GTF3C2: variants seen among roughly 807,000 people sequenced by gnomAD.
The protein encoded by GTF3C2 is general transcription factor IIIC subunit 2.
GTF3C2 carries 17 observed loss-of-function variants against 117.4 expected under a neutral mutation model. The observed-to-expected ratio is 0.14, with a 90% confidence interval of 0.10 to 0.22. The LOEUF (loss-of-function observed/expected upper bound fraction) is 0.22, where lower values mean the gene tolerates loss of function less well. GTF3C2 is among the 10% of genes least tolerant of loss of function. The probability of loss-of-function intolerance (pLI) is 1.00; values close to 1 mark genes in which losing one functional copy is unlikely to be tolerated. For synonymous variants in GTF3C2, 437 were observed against 427.0 expected, an observed-to-expected ratio of 1.02 and a Z score of -0.29; for missense variants, 888 against 1,143.6, an observed-to-expected ratio of 0.78 and a Z score of 3.22.
At position 27,329,207 on chromosome 2, in the gene GTF3C2, G is replaced by A. The variant is rs896537055; in HGVS notation, c.1953C>T (p.Asn651=). ...CTGTACTCAAGAAGCGCTTGATAGA[G>A]TTTATGGGTTCGTAAGGACGTCGAA... Residue 651 remains asparagine, a synonymous_variant, in exon 14 of 19, where the codon AAC becomes AAT. Coordinates refer to ENST00000264720, the Ensembl canonical transcript of GTF3C2. The surrounding 1 kb of genome is among the most constrained non-coding windows in gnomAD (Gnocchi z 4.5). 1 of 1,614,166 alleles carries A rather than the reference G, an allele frequency of 6.2e-7. No individual in the cohort carries two copies. Among genetic ancestry groups the A allele is most frequent in the Non-Finnish European group, 8.5e-7 (1 of 1,179,994 alleles).
intron 4 of GTF3C2, among the ~76,000 whole-genome samples, chr2:27,341,005 G>C (rs1680708473): frequency 6.6e-6 from 1 of 152,026 alleles, no homozygotes; most frequent in Non-Finnish European, 1.5e-5. Context: ...TTGTTGTACA[G>C]TTTGTGTACA....
intron 1 of GTF3C2, among the ~76,000 whole-genome samples, chr2:27,352,696 T>A (rs1044424448): frequency 5.9e-5 from 9 of 152,230 alleles, no homozygotes; most frequent in Non-Finnish European, 1.2e-4. Context: ...AAGTTTAAGA[T>A]ATAAATAAAA....
intron 1 of GTF3C2, chr2:27,356,458 AG>A: frequency 3.9e-6 from 1 of 254,610 alleles, no homozygotes; most frequent in Non-Finnish European, 8.2e-6. Context: ...CTACGTATGC[AG>A]CGCCTACGCC....
intron 12 of GTF3C2, 89 bp downstream of exon 12, chr2:27,333,566 T>C (rs1306865572): frequency 1.2e-6 from 1 of 829,482 alleles, no homozygotes; most frequent in Non-Finnish European, 2.0e-6. Flanking sequence ...ATGTCCAGTA[T>C]TGAACCACCA....
intron 12 of GTF3C2, among the ~76,000 whole-genome samples, chr2:27,332,898 TAG>T (rs1680328966): frequency 6.6e-6 from 1 of 151,528 alleles, no homozygotes; most frequent in South Asian, 2.1e-4. Flanking sequence ...GTATTTTTAG[TAG>T]AGACAGGCTT....
intron 1 of GTF3C2, 112 bp from the exon 2 acceptor site, chr2:27,343,690 G>T: frequency 1.2e-6 from 1 of 838,722 alleles, no homozygotes; most frequent in Non-Finnish European, 1.9e-6. Context: ...CAAGTTCCCT[G>T]ATTATTCACT....
intron 9 of GTF3C2, 48 bp downstream of exon 9, chr2:27,335,869 G>T: frequency 2.3e-6 from 3 of 1,318,564 alleles, no homozygotes; most frequent in African/African-American, 2.9e-5. Flanking sequence ...GGGCCTCTTT[G>T]TCCTGGCTTT....
At chr2:27,349,766 G>A (rs568127889) in intron 1 of GTF3C2, among the ~76,000 whole-genome samples, 4 of 152,040 alleles carry the variant, frequency 2.6e-5, no homozygotes, top group Non-Finnish European at 5.9e-5. Flanking sequence ...AGCCTCCCGA[G>A]TAGCTGGGAT....
intron 4 of GTF3C2, chr2:27,341,399 A>C (rs1017269066): frequency 4.6e-5 from 7 of 152,872 alleles, no homozygotes; most frequent in Non-Finnish European, 1.0e-4. Context: ...TTACCACCAA[A>C]AAAAACCATA....
intron 1 of GTF3C2, among the ~76,000 whole-genome samples, chr2:27,355,619 T>C (rs1207519946): frequency 2.0e-5 from 3 of 152,174 alleles, no homozygotes; most frequent in Non-Finnish European, 2.9e-5. Flanking sequence ...AGTAAATTCG[T>C]ACTGAGTTTC....
chr2:27,328,451 G>A lies in GTF3C2; in HGVS notation c.2256+17C>T. 1 of 1,613,384 alleles carries A rather than the reference G, an allele frequency of 6.2e-7. No individual in the cohort carries two copies. The highest frequency in any genetic ancestry group is 2.2e-5 in the East Asian group (1 of 44,886). ...GGTTAGGATCCAACAGCTGCTGTTA[G>A]ATGTTCGTATACGTACAAATCTTCG... On this transcript the variant is annotated intron_variant, in intron 16 of 18. Coordinates refer to ENST00000264720, the Ensembl canonical transcript of GTF3C2.
rs757521509 is a variant in GTF3C2, at chr2:27,337,922, T to G, written c.950+4A>C. On this transcript the variant is annotated splice_donor_region_variant and intron_variant, in intron 5 of 18. Transcript: ENST00000264720. ...AACCCCAGCCCCCTGTCCCCAAGTC[T>G]CACAAGTCCTTGGTGAGATGGAGGC... 1 of 1,565,082 alleles carries G rather than the reference T, an allele frequency of 6.4e-7. No individual in the cohort carries two copies. The highest frequency in any genetic ancestry group is 8.8e-7 in the Non-Finnish European group (1 of 1,135,158).
intron 7 of GTF3C2, 192 bp from the exon 8 acceptor site, chr2:27,336,617 A>ATAT: frequency 1.8e-6 from 1 of 552,558 alleles, no homozygotes; most frequent in South Asian, 2.3e-5. Flanking sequence ...AGTCTGTCTT[A>ATAT]TATTATTATT....
intron 1 of GTF3C2, chr2:27,350,346 T>G (rs1681086797): frequency 1.1e-6 from 1 of 901,896 alleles, no homozygotes; most frequent in South Asian, 5.1e-5. Context: ...GCCAGCACCT[T>G]GTGTTTTAAC....
At chr2:27,327,998 TTTTC>T in intron 17 of GTF3C2, 35 bp downstream of exon 17, 1 of 1,561,994 alleles carries the variant, frequency 6.4e-7, no homozygotes, top group African/African-American at 1.4e-5. Context: ...GTTTTCTACC[TTTTC>T]TAATACCACA....
At chr2:27,328,111 G>C in exon 17 of GTF3C2, 1 of 1,610,060 alleles carries the variant, frequency 6.2e-7, no homozygotes, top group Non-Finnish European at 8.5e-7. Context: ...GGAGGGTTGG[G>C]GACCCCAGAT....
rs1680220489 is a variant in GTF3C2, at chr2:27,329,934, CAGG to C, written c.1733-414_1733-412del. On this transcript the variant is annotated intron_variant, in intron 12 of 18. Coordinates refer to ENST00000264720, the Ensembl canonical transcript of GTF3C2. This position sits in a 1 kb window ranked among gnomAD's most constrained non-coding sequence, Gnocchi z 4.5. Reference sequence around the variant, plus strand: ...ATGCAGGTGGTGGATCACCTGAGGTCAGGAGTTTGAGACCAGCCTGATCAACAT... The same window carrying C: ...ATGCAGGTGGTGGATCACCTGAGGTCAGTTTGAGACCAGCCTGATCAACAT... 6.6e-6 allele frequency among the ~76,000 whole-genome samples: 1 copy of C among 151,846 alleles called. No homozygotes were observed. The highest frequency in any genetic ancestry group is 2.4e-5 in the African/African-American group (1 of 41,312).
intron 12 of GTF3C2, 162 bp downstream of exon 12, chr2:27,333,493 T>C (rs916863878): frequency 9.7e-5 from 57 of 590,072 alleles, no homozygotes; most frequent in South Asian, 9.2e-4. Context: ...TGAGTAGAAA[T>C]AGTCTAGTGA....
At chr2:27,333,813 G>C in intron 11 of GTF3C2, 29 bp from the exon 12 acceptor site, 2 of 1,598,906 alleles carry the variant, frequency 1.3e-6, no homozygotes, top group Middle Eastern at 1.7e-4. Flanking sequence ...TGGGACTAGG[G>C]TTAGGGACAC....
Sources: allele counts gnomAD v4.1 joint callset (sites outside exome capture counted in the v4.1 genomes callset), GRCh38; gene constraint gnomAD v4.1.1; non-coding constraint Gnocchi (gnomAD v3.1); transcripts MANE v1.5; gene names NCBI Gene and HGNC (gene_info 2026-07-23, HGNC 2026-07-21).